The following FAIM2 variants were observed in gnomAD, a reference collection of about 807,000 sequenced individuals.
FAIM2 encodes protein lifeguard 2.
FAIM2 carries 27 observed loss-of-function variants against 47.4 expected under a neutral mutation model. The ratio of observed to expected loss-of-function variants is 0.57; its 90% confidence interval spans 0.42 to 0.78. The LOEUF (loss-of-function observed/expected upper bound fraction) is 0.78, where lower values mean the gene tolerates loss of function less well. Among genes scored for constraint, FAIM2 ranks in the 30% least tolerant of loss-of-function variants. The pLI is 0.00. For missense variants in FAIM2, 311 were observed against 389.4 expected, an observed-to-expected ratio of 0.80 and a Z score of 1.69; for synonymous variants, 156 against 159.3, an observed-to-expected ratio of 0.98 and a Z score of 0.16.
chr12:49,900,208 C>T (rs1329069674), intron 2 of FAIM2: 4 of 1,287,566 alleles, frequency 3.1e-6, no homozygotes, highest in South Asian at 2.5e-5. Flanking sequence ...GGGGTCTGCG[C>T]CCAGGGGATT....
intron 10 of FAIM2, among the ~76,000 whole-genome samples, chr12:49,887,801 G>C (rs564630225): frequency 6.6e-6 from 1 of 152,256 alleles, no homozygotes; most frequent in Non-Finnish European, 1.5e-5. Flanking sequence ...GTTCATCCCT[G>C]TCCAGCATAG....
At chr12:49,901,346 G>A (rs1946981184) in intron 1 of FAIM2, 21 bp from the exon 2 acceptor site, 6 of 1,497,990 alleles carry the variant, frequency 4.0e-6, no homozygotes, top group Non-Finnish European at 5.3e-6. Flanking sequence ...GAGTCAGAGA[G>A]AGAGATAGTC....
intron 8 of FAIM2, 90 bp downstream of exon 8, chr12:49,890,027 T>G: frequency 3.4e-5 from 44 of 1,288,104 alleles, no homozygotes; most frequent in Non-Finnish European, 4.5e-5. Context: ...CATGCTCCCA[T>G]GTGTGTGGGG....
intron 3 of FAIM2, 24 bp from the exon 4 acceptor site, chr12:49,897,607 C>A: frequency 6.3e-7 from 1 of 1,595,558 alleles, no homozygotes; most frequent in Non-Finnish European, 8.6e-7. Flanking sequence ...GGGTTCTACT[C>A]AGCTTGGGGG....
intron 11 of FAIM2, among the ~76,000 whole-genome samples, chr12:49,871,965 C>T (rs924122255): frequency 6.6e-5 from 10 of 152,150 alleles, no homozygotes; most frequent in Non-Finnish European, 1.2e-4. Flanking sequence ...CAGGCCCAGC[C>T]CGGGATTAGA....
intron 5 of FAIM2, among the ~76,000 whole-genome samples, chr12:49,892,883 C>T (rs938701162): frequency 3.9e-5 from 6 of 152,210 alleles, no homozygotes; most frequent in African/African-American, 1.4e-4. Context: ...CCTGCTCGGT[C>T]TCCTGCATTC....
At chr12:49,890,868 C>G in intron 6 of FAIM2, 146 bp from the exon 7 acceptor site, 1 of 877,902 alleles carries the variant, frequency 1.1e-6, no homozygotes, top group South Asian at 1.4e-5. Flanking sequence ...CCCATTTGCT[C>G]CCTTCTCCAT....
At chr12:49,899,480 C>T (rs533428368) in intron 2 of FAIM2, among the ~76,000 whole-genome samples, 3 of 152,206 alleles carry the variant, frequency 2.0e-5, no homozygotes, top group Non-Finnish European at 2.9e-5. Context: ...CCTCCAGCCC[C>T]GCTATACATT....
chr12:49,872,516 T>G (rs1946710145), intron 11 of FAIM2, among the ~76,000 whole-genome samples: 1 of 152,176 alleles, frequency 6.6e-6, no homozygotes, highest in Admixed American at 6.5e-5. Flanking sequence ...ACTCCTTGTC[T>G]CCCAAGACCC....
At chr12:49,871,517 G>A (rs1347406083) in intron 11 of FAIM2, among the ~76,000 whole-genome samples, 2 of 152,158 alleles carry the variant, frequency 1.3e-5, no homozygotes, top group Non-Finnish European at 2.9e-5. Context: ...TGGGCTCCAA[G>A]CCTAAAGAGC....
At chr12:49,891,226 G>A (rs1946897950) in intron 5 of FAIM2, 112 bp from the exon 6 acceptor site, 4 of 1,008,552 alleles carry the variant, frequency 4.0e-6, no homozygotes, top group Non-Finnish European at 6.2e-6. Flanking sequence ...AGCCAGGAGG[G>A]ACAGGATGGG....
At chr12:49,900,436 G>C (rs1285027541) in intron 2 of FAIM2, among the ~76,000 whole-genome samples, 4 of 152,078 alleles carry the variant, frequency 2.6e-5, no homozygotes, top group Non-Finnish European at 5.9e-5. Flanking sequence ...GCTCCCACAG[G>C]CTGCTTGACC....
intron 11 of FAIM2, among the ~76,000 whole-genome samples, chr12:49,879,080 ATG>A (rs139266982): frequency 0.047 from 5,977 of 127,020 alleles, 1,330 homozygotes; most frequent in African/African-American, 0.17. Flanking sequence ...GTGCATGTGT[ATG>A]TGTCTGTGTG....
chr12:49,870,667 G>GGAGA lies in FAIM2; in HGVS notation c.802-18_802-15dup. ...AAGTGCCAGGAACTGGGAGAAGTGA[G>GGAGA]GAGAGAGAGAGAGAGGTCAGAGGCC... On this transcript the variant is annotated splice_polypyrimidine_tract_variant and intron_variant, in intron 11 of 11. Transcript: ENST00000320634. 1 of 1,606,294 alleles carries GGAGA rather than the reference G, an allele frequency of 6.2e-7. No individual in the cohort carries two copies. The highest frequency in any genetic ancestry group is 1.7e-5 in the Admixed American group (1 of 59,786).
In FAIM2 at chr12:49,901,274, C is replaced by T. The variant is rs937340428; in HGVS notation, c.67G>A (p.Gly23Ser). ...ACTGCTGGAGCCTCCTTCTTCTCGC[C>T]ATGCACCTGCTGCTGCCCCTCGGTC... ...PGTEGQQQVH[G>S]EKKEAPAVPS... is the part of the protein sequence containing the mutation. The change falls in exon 2 of 12, where the codon GGC becomes AGC. Residue 23 changes from glycine to serine, a missense_variant. By Grantham distance (56) the Gly-to-Ser change is moderately conservative. Coordinates refer to ENST00000320634, the MANE Select transcript of FAIM2 (RefSeq NM_012306.4). 2 of 1,608,122 alleles carry T rather than the reference C, an allele frequency of 1.2e-6. No homozygotes were observed. The highest frequency in any genetic ancestry group is 8.5e-7 in the Non-Finnish European group (1 of 1,177,678).
chr12:49,888,561 TCA>T (rs1946877161), intron 10 of FAIM2, among the ~76,000 whole-genome samples: 1 of 152,106 alleles, frequency 6.6e-6, no homozygotes, highest in Non-Finnish European at 1.5e-5. Flanking sequence ...CTGCAGAGTC[TCA>T]GTTGGATTCC....
chr12:49,881,228 C>T (rs1484818539), intron 11 of FAIM2, among the ~76,000 whole-genome samples: 1 of 152,162 alleles, frequency 6.6e-6, no homozygotes, highest in African/African-American at 2.4e-5. Context: ...ACTGGTCTCC[C>T]AGCCTCTGGT....
rs150300839 is a variant in FAIM2, at chr12:49,874,093, G to C, written c.802-3440C>G. On this transcript the variant is annotated intron_variant, in intron 11 of 11. Coordinates refer to ENST00000320634, the MANE Select transcript of FAIM2 (RefSeq NM_012306.4). The surrounding 1 kb of genome is among the most constrained non-coding windows in gnomAD (Gnocchi z 4.2). ...GTTATAGTTAACATCTTAGTGGGTAGCTAGGATCTTGGCTGAGAGCTAGCA... is the reference window on the plus strand; with the variant it reads ...GTTATAGTTAACATCTTAGTGGGTACCTAGGATCTTGGCTGAGAGCTAGCA... Among the ~76,000 whole-genome samples the C allele has an allele frequency of 2.6e-5, 4 of 152,316 alleles. No individual in the cohort carries two copies. Among genetic ancestry groups the C allele is most frequent in the African/African-American group, 4.8e-5 (2 of 41,568 alleles).
chr12:49,878,242 G>T (rs1946756453), intron 11 of FAIM2, among the ~76,000 whole-genome samples: 2 of 128,940 alleles, frequency 1.6e-5, no homozygotes, highest in African/African-American at 3.0e-5. Flanking sequence ...GTGTATGTGT[G>T]TATATGTGAG....
Sources: gnomAD v4.1 joint callset for allele counts (sites outside exome capture counted in the v4.1 genomes callset) on GRCh38, gnomAD v4.1.1 for gene constraint, Gnocchi (gnomAD v3.1) non-coding constraint, MANE v1.5 for transcripts, NCBI Gene and HGNC (gene_info 2026-07-23, HGNC 2026-07-21) for gene names.